Variants in PEX16 observed in about 807,000 individuals in gnomAD.
The protein encoded by PEX16 is peroxisomal biogenesis factor 16.
In PEX16, 37 loss-of-function variants were observed where a neutral mutation model predicts 50.5. The observed-to-expected ratio is 0.73, with a 90% confidence interval of 0.56 to 0.96. The LOEUF (loss-of-function observed/expected upper bound fraction) is 0.96. Among genes scored for constraint, PEX16 ranks in the 40% least tolerant of loss-of-function variants. The pLI, the probability that PEX16 is intolerant of heterozygous loss-of-function variation, is 0.00. For missense variants in PEX16, 401 were observed against 438.3 expected (o/e 0.91, Z 0.76); for synonymous variants, 185 against 190.3 (o/e 0.97, Z 0.23).
intron 5 of PEX16, 31 bp downstream of exon 5, chr11:45,915,436 AT>A: frequency 1.3e-6 from 2 of 1,565,322 alleles, no homozygotes; most frequent in South Asian, 2.2e-5. Flanking sequence ...CCCATGGCCC[AT>A]TCCGCTCCAG....
intron 1 of PEX16, 65 bp from the exon 2 acceptor site, chr11:45,917,558 G>A: frequency 1.3e-6 from 2 of 1,588,678 alleles, no homozygotes. Flanking sequence ...TTCGGGTCCC[G>A]GAAATCCCCT....
At chr11:45,912,602 C>G (rs2134689648) in intron 9 of PEX16, among the ~76,000 whole-genome samples, 1 of 152,236 alleles carries the variant, frequency 6.6e-6, no homozygotes. Flanking sequence ...CTCCTGGGTT[C>G]AAGCGATTCT....
At position 45,914,217 on chromosome 11, in the gene PEX16, C is replaced by T. The variant is rs945199351; in HGVS notation, c.695-14G>A. ...CCAGGCTGAGCACTGACGGCCAAGGCGTCAAGGATGTCTCCAGCACAGGGG... is the reference window on the plus strand; with the variant it reads ...CCAGGCTGAGCACTGACGGCCAAGGTGTCAAGGATGTCTCCAGCACAGGGG... On this transcript the variant is annotated splice_polypyrimidine_tract_variant and intron_variant, in intron 7 of 10. Transcript: ENST00000378750. 3.0e-5 allele frequency: 48 copies of T among 1,613,382 alleles called. No homozygotes were observed. Among genetic ancestry groups the T allele is most frequent in the Non-Finnish European group, 3.5e-5 (41 of 1,179,814 alleles).
chr11:45,915,415 C>T (rs2086823395), intron 5 of PEX16, 53 bp downstream of exon 5: 4 of 1,389,108 alleles, frequency 2.9e-6, no homozygotes, highest in Admixed American at 1.7e-5. Context: ...GATCTAAATC[C>T]TCAAGTTAGT....
intron 1 of PEX16, 25 bp from the exon 2 acceptor site, chr11:45,917,518 TGTGA>T: frequency 1.2e-6 from 2 of 1,613,366 alleles, no homozygotes; most frequent in Non-Finnish European, 1.7e-6. Context: ...CAGAAGGAGG[TGTGA>T]GTGAGCATCT....
At chr11:45,916,091 T>A in intron 3 of PEX16, 136 bp downstream of exon 3, 1 of 804,634 alleles carries the variant, frequency 1.2e-6, no homozygotes, top group Non-Finnish European at 2.2e-6. Context: ...GGTCACCTAA[T>A]GAGATGGTTT....
chr11:45,916,546 T>A (rs561432586), intron 2 of PEX16, among the ~76,000 whole-genome samples: 1 of 152,270 alleles, frequency 6.6e-6, no homozygotes, highest in Non-Finnish European at 1.5e-5. Flanking sequence ...ACTGCCCTGC[T>A]GGATGGCACT....
intron 9 of PEX16, among the ~76,000 whole-genome samples, chr11:45,911,489 T>TGAG (rs1459310268): frequency 6.6e-6 from 1 of 152,232 alleles, no homozygotes; most frequent in Middle Eastern, 3.2e-3. Flanking sequence ...ACAGGAGGGT[T>TGAG]TTCCACAGGG....
chr11:45,911,155 AC>A (rs939583067), intron 9 of PEX16, among the ~76,000 whole-genome samples, 193 bp from the exon 10 acceptor site: 3 of 152,142 alleles, frequency 2.0e-5, no homozygotes, highest in African/African-American at 7.2e-5. Flanking sequence ...TCTGGCCTCC[AC>A]CCTCCACCAG....
chr11:45,910,374 T>G (rs2086763851), intron 10 of PEX16, 62 bp from the exon 11 acceptor site: 2 of 1,363,706 alleles, frequency 1.5e-6, no homozygotes, highest in Non-Finnish European at 2.1e-6. Flanking sequence ...TGGCGCCACA[T>G]ACAGCACCTC....
Position 45,916,211 on chromosome 11 carries a change from T to C in PEX16, c.225+16A>G. On this transcript the variant is annotated intron_variant, in intron 3 of 10. Transcript: ENST00000378750. ...AGTCCCCATGCTTCCCACCCTGTTC[T>C]TGGCAGAATTCTCACCACAGGCAAC... is the stretch of plus-strand genomic sequence containing the variant. The C allele has an allele frequency of 1.9e-6, 3 of 1,601,374 alleles. No individual in the cohort carries two copies. The highest frequency in any genetic ancestry group is 2.6e-6 in the Non-Finnish European group (3 of 1,168,540).
At chr11:45,913,712 G>C in intron 9 of PEX16, 107 bp downstream of exon 9, 1 of 1,307,790 alleles carries the variant, frequency 7.6e-7, no homozygotes, top group Admixed American at 1.7e-5. Flanking sequence ...CACAGTGCTT[G>C]GTGAACCCTG....
intron 5 of PEX16, among the ~76,000 whole-genome samples, chr11:45,915,094 A>G (rs2086820471): frequency 6.6e-6 from 1 of 152,258 alleles, no homozygotes; most frequent in Non-Finnish European, 1.5e-5. Context: ...AGTGAGGCCC[A>G]GAAGCTGACG....
At chr11:45,913,993 A>C (rs2086805090) in intron 8 of PEX16, 55 bp from the exon 9 acceptor site, 2 of 1,607,710 alleles carry the variant, frequency 1.2e-6, no homozygotes, top group Non-Finnish European at 8.5e-7. Flanking sequence ...GGCCCACGGA[A>C]GGGGAGGAGC....
intron 5 of PEX16, among the ~76,000 whole-genome samples, chr11:45,915,225 C>A (rs2086821555): frequency 6.6e-6 from 1 of 152,230 alleles, no homozygotes; most frequent in African/African-American, 2.4e-5. Flanking sequence ...CCCATCTGTT[C>A]CCTCTTCCTG....
At position 45,914,349 on chromosome 11, in the gene PEX16, C is replaced by A; in HGVS notation, c.661G>T (p.Glu221Ter). 1 of 1,612,196 alleles carries A rather than the reference C, an allele frequency of 6.2e-7. No homozygotes were observed. Among genetic ancestry groups the A allele is most frequent in the Non-Finnish European group, 8.5e-7 (1 of 1,180,028 alleles). The stretch of plus-strand genomic sequence containing the variant: ...AGCGGCCGGGCAATGTACAAAAACT[C>A]TGCGATGGTCTCCTGCAGCCCCAGG... ...TPLGLQETIAEFLYIARPLLH... is the reference protein window; with the variant it reads ...TPLGLQETIA Residue 221 changes from glutamate (E) to a stop codon, truncating the protein, a stop_gained, in exon 7 of 11, where the codon GAG (glutamate) becomes TAG (stop). Coordinates refer to ENST00000378750, the MANE Select transcript of PEX16 (RefSeq NM_004813.4). LOFTEE classifies it high-confidence loss of function.
chr11:45,911,201 T>A (rs770079103), intron 9 of PEX16, among the ~76,000 whole-genome samples: 6 of 151,874 alleles, frequency 4.0e-5, no homozygotes, highest in African/African-American at 1.5e-4. Flanking sequence ...CCACAACACC[T>A]CCTCCCATTC....
Position 45,909,932 on chromosome 11 carries a change from C to T in PEX16, c.*322G>A. On this transcript the variant is annotated 3_prime_UTR_variant, in exon 11 of 11. Coordinates refer to ENST00000378750, the MANE Select transcript of PEX16 (RefSeq NM_004813.4). ...GCCAGCGAGAGAGCAGCAGTGTTCG[C>T]TCCTATGGCTGCCGAGGCGAGCAGC... The T allele has an allele frequency of 4.3e-6, 3 of 696,570 alleles. No homozygotes were observed. Among genetic ancestry groups the T allele is most frequent in the Non-Finnish European group, 7.6e-6 (3 of 394,034 alleles). The allele number at this position is 696,570 out of a possible 1,614,324, so 43.1% of individuals were successfully genotyped here.
intron 9 of PEX16, 89 bp from the exon 10 acceptor site, chr11:45,911,051 C>A: frequency 1.1e-6 from 1 of 891,994 alleles, no homozygotes; most frequent in South Asian, 1.3e-5. Context: ...CACTGACCAC[C>A]GTGCCGAATG....
Sources: allele counts gnomAD v4.1 joint callset (sites outside exome capture counted in the v4.1 genomes callset), GRCh38; gene constraint gnomAD v4.1.1; transcripts MANE v1.5; gene names NCBI Gene and HGNC (gene_info 2026-07-23, HGNC 2026-07-21).